MAMDC4: variants seen among roughly 807,000 people sequenced by gnomAD.
MAMDC4 encodes the protein MAM domain containing 4, also known as apical endosomal glycoprotein.
A neutral mutation model predicts 153.3 loss-of-function variants in MAMDC4; 168 were observed. The observed-to-expected ratio is 1.10, with a 90% confidence interval of 0.97 to 1.25. The LOEUF (loss-of-function observed/expected upper bound fraction) is 1.25, where lower values mean the gene tolerates loss of function less well. MAMDC4 is among the 50% of genes most tolerant of loss of function. MAMDC4 has a pLI of 0.00. For missense variants in MAMDC4, 1,701 were observed against 1,542.8 expected (o/e 1.10, Z -1.72); for synonymous variants, 744 against 651.5 (o/e 1.14, Z -2.16).
chr9:136,859,255 T>A lies in MAMDC4; in HGVS notation c.3131T>A (p.Ile1044Asn). The change falls in exon 25 of 27, where the codon ATT becomes AAT. Residue 1044 changes from isoleucine (I) to asparagine (N), a missense_variant. Physicochemically the swap from Ile to Asn is moderately radical, Grantham distance 149. Transcript: ENST00000317446. Reference protein sequence around the residue: ...TLGGQPALGPIALDDVEYLAG... With the variant: ...TLGGQPALGPNALDDVEYLAG... ...GGCGGCCAGCCAGCCCTGGGGCCCA[T>A]TGCCCTGGATGACGTGGAGTATCTG... 1 of 1,612,092 alleles carries A rather than the reference T, an allele frequency of 6.2e-7. No individual in the cohort carries two copies.
At chr9:136,857,836 A>T in intron 19 of MAMDC4, 40 bp downstream of exon 19, 1 of 1,596,956 alleles carries the variant, frequency 6.3e-7, no homozygotes, top group Non-Finnish European at 8.5e-7. Flanking sequence ...GGCTCAGGGA[A>T]GCTTGGCCTG....
intron 25 of MAMDC4, 152 bp from the exon 26 acceptor site, chr9:136,859,734 T>TTG: frequency 1.3e-6 from 1 of 749,806 alleles, no homozygotes; most frequent in South Asian, 1.8e-5. Context: ...GGCCCCATCC[T>TTG]TGTGGTAGCA....
Position 136,854,600 on chromosome 9 carries a change from G to A in MAMDC4, c.858G>A (p.Trp286Ter), listed in dbSNP as rs898940217. ...GLGPWNRSEG[W>*]SRNHRAGGPE... is the part of the protein sequence containing the mutation. Reference sequence around the variant, plus strand: ...GCCCATGGAACCGCTCGGAAGGCTGGTCCCGGAACCACCGCGCTGGTGGTC... The same window carrying A: ...GCCCATGGAACCGCTCGGAAGGCTGATCCCGGAACCACCGCGCTGGTGGTC... The change falls in exon 8 of 27, where the codon TGG becomes TGA. Residue 286 changes from tryptophan (W) to a stop codon, truncating the protein, a stop_gained. Coordinates refer to ENST00000317446, the MANE Select transcript of MAMDC4 (RefSeq NM_206920.3). LOFTEE classifies it high-confidence loss of function. 6.2e-7 allele frequency: 1 copy of A among 1,607,836 alleles called. No individual in the cohort carries two copies. Among genetic ancestry groups the A allele is most frequent in the Non-Finnish European group, 8.5e-7 (1 of 1,178,056 alleles).
intron 14 of MAMDC4, 43 bp from the exon 15 acceptor site, chr9:136,856,667 G>A (rs1228527837): frequency 2.5e-6 from 4 of 1,584,206 alleles, no homozygotes; most frequent in South Asian, 1.1e-5. Flanking sequence ...GCTCTGGAGG[G>A]GGAGGGGAGA....
rs747378999 is a variant in MAMDC4, at chr9:136,858,711, G to A, written c.2822-8G>A. 6 of 1,612,066 alleles carry A rather than the reference G, an allele frequency of 3.7e-6. No individual in the cohort carries two copies. The highest frequency in any genetic ancestry group is 5.1e-6 in the Non-Finnish European group (6 of 1,179,714). ...ATCAGCTGGGCATCAGCCTCCTCTT[G>A]TTCCCAGGCCACTTTGCCTTCTTTG... On this transcript the variant is annotated splice_polypyrimidine_tract_variant and splice_region_variant and intron_variant, in intron 22 of 26. Transcript: ENST00000317446.
At chr9:136,857,868 T>G in intron 19 of MAMDC4, 72 bp downstream of exon 19, 1 of 1,539,688 alleles carries the variant, frequency 6.5e-7, no homozygotes, top group East Asian at 2.3e-5. Flanking sequence ...AGCCTTGTGC[T>G]GAGGCCACTG....
intron 26 of MAMDC4, 142 bp downstream of exon 26, chr9:136,860,206 C>A: frequency 9.9e-7 from 1 of 1,006,642 alleles, no homozygotes. Context: ...CCCTGCCTCT[C>A]CCAGCCACCA....
Position 136,856,933 on chromosome 9 carries a change from G to A in MAMDC4, c.1864G>A (p.Asp622Asn). 1 of 1,610,572 alleles carries A rather than the reference G, an allele frequency of 6.2e-7. No homozygotes were observed. The highest frequency in any genetic ancestry group is 8.5e-7 in the Non-Finnish European group (1 of 1,178,346). The change falls in exon 16 of 27, where the codon GAC becomes AAC. Residue 622 changes from aspartate (D) to asparagine (N), a missense_variant. Asp to Asn is a conservative substitution (Grantham distance 23). Transcript: ENST00000317446. ...CCACTTTGTGCTCCTGGACCCCACA[G>A]ACCCCCTGGCCTGGGGCCACAGTGC... ...QGHFVLLDPT[D>N]PLAWGHSAHL... is the part of the protein sequence containing the mutation.
In MAMDC4 at chr9:136,857,774, C is replaced by T. The variant is rs1211693108; in HGVS notation, c.2442C>T (p.Tyr814=). The change falls in exon 19 of 27, where the codon TAC becomes TAT. Residue 814 remains tyrosine, a synonymous_variant. Transcript: ENST00000317446. Reference sequence around the variant, plus strand: ...AGCCTGCTTGTCTGACCTTCTGGTACCACGGGAGCCTCCGCAGCCCAGGTG... The same window carrying T: ...AGCCTGCTTGTCTGACCTTCTGGTATCACGGGAGCCTCCGCAGCCCAGGTG... ...LAQPACLTFW[Y]HGSLRSPGTL... 1 of 1,612,516 alleles carries T rather than the reference C, an allele frequency of 6.2e-7. No homozygotes were observed. Among genetic ancestry groups the T allele is most frequent in the African/African-American group, 1.3e-5 (1 of 75,054 alleles).
intron 14 of MAMDC4, 166 bp downstream of exon 14, chr9:136,856,315 G>A: frequency 8.8e-7 from 1 of 1,139,052 alleles, no homozygotes; most frequent in Non-Finnish European, 1.3e-6. Flanking sequence ...GGCAGGCCCT[G>A]AGCAGCAGTG....
chr9:136,852,425 G>A lies in MAMDC4; in HGVS notation c.9G>A (p.Leu3=). The part of the protein sequence containing the change: MP[L]SSHLLPALVL... ...CTCCCTCTGGCCCAACCATGCCTCT[G>A]TCCAGCCACCTGCTGCCCGCCTTGG... is the stretch of plus-strand genomic sequence containing the variant. The change falls in exon 1 of 27, where the codon CTG becomes CTA. Residue 3 remains leucine (L), a synonymous_variant. Coordinates refer to ENST00000317446, the MANE Select transcript of MAMDC4 (RefSeq NM_206920.3). The A allele has an allele frequency of 6.2e-7, 1 of 1,610,208 alleles. No homozygotes were observed. The highest frequency in any genetic ancestry group is 8.5e-7 in the Non-Finnish European group (1 of 1,179,960).
Position 136,860,553 on chromosome 9 carries a change from T to C in MAMDC4, c.3373-9T>C. On this transcript the variant is annotated splice_polypyrimidine_tract_variant and intron_variant, in intron 26 of 26. Transcript: ENST00000317446. Reference sequence around the variant, plus strand: ...GAAAGAAAAAAAAAGCTCCTCTTCCTCCTCCTAGGATGGTGTCACCCTCCC... The same window carrying C: ...GAAAGAAAAAAAAAGCTCCTCTTCCCCCTCCTAGGATGGTGTCACCCTCCC... The C allele has an allele frequency of 6.2e-7, 1 of 1,611,218 alleles. No homozygotes were observed. The highest frequency in any genetic ancestry group is 1.7e-5 in the Admixed American group (1 of 59,938).
intron 26 of MAMDC4, among the ~76,000 whole-genome samples, 184 bp downstream of exon 26, chr9:136,860,248 G>A (rs750914938): frequency 3.9e-5 from 6 of 152,182 alleles, no homozygotes; most frequent in East Asian, 1.9e-4. Flanking sequence ...GGCCGGGCGC[G>A]GTGGCTCACA....
intron 25 of MAMDC4, 186 bp from the exon 26 acceptor site, chr9:136,859,700 C>G (rs1037064322): frequency 1.6e-6 from 1 of 633,526 alleles, no homozygotes; most frequent in South Asian, 2.0e-5. Context: ...ACCAAGTCTG[C>G]AGACAGCAGC....
At chr9:136,855,132 G>GCC in intron 10 of MAMDC4, 22 bp downstream of exon 10, 1 of 1,566,156 alleles carries the variant, frequency 6.4e-7, no homozygotes, top group Middle Eastern at 1.8e-4. Context: ...CAAGAGGGTG[G>GCC]GGTCTGGGGA....
At position 136,853,331 on chromosome 9, in the gene MAMDC4, C is replaced by G. The variant is rs546058415; in HGVS notation, c.201C>G (p.Asp67Glu). 1 of 1,605,824 alleles carries G rather than the reference C, an allele frequency of 6.2e-7. No homozygotes were observed. The highest frequency in any genetic ancestry group is 1.7e-5 in the Admixed American group (1 of 59,736). Reference sequence around the variant, plus strand: ...CCCTGGGCGCCCCCTTCGCCTGTGACTTCGAGCAGGACCCCTGCGGCTGGC... The same window carrying G: ...CCCTGGGCGCCCCCTTCGCCTGTGAGTTCGAGCAGGACCCCTGCGGCTGGC... ...SPTLGAPFAC[D>E]FEQDPCGWRD... The change falls in exon 3 of 27, where the codon GAC becomes GAG. Residue 67 changes from aspartate (D) to glutamate (E), a missense_variant. Transcript: ENST00000317446.
rs747632314 is a variant in MAMDC4 at position 136,855,096 on chromosome 9, G to A, written c.1183G>A (p.Ala395Thr). The A allele has an allele frequency of 1.8e-5, 28 of 1,579,978 alleles. No homozygotes were observed. Among genetic ancestry groups the A allele is most frequent in the South Asian group, 1.1e-4 (10 of 88,502 alleles). Reference sequence around the variant, plus strand: ...CCGAGACCGTGTTGACATCCAGAGCGCCTACCCCTTCCAGGTAGGGAACAG... The same window carrying A: ...CCGAGACCGTGTTGACATCCAGAGCACCTACCCCTTCCAGGTAGGGAACAG... ...WVRDRVDIQS[A>T]YPFQILLAGQ... Residue 395 changes from alanine (A) to threonine (T), a missense_variant, in exon 10 of 27, where the codon GCC becomes ACC. Ala to Thr is a moderately conservative substitution (Grantham distance 58). Coordinates refer to ENST00000317446, the MANE Select transcript of MAMDC4 (RefSeq NM_206920.3).
intron 25 of MAMDC4, 127 bp downstream of exon 25, chr9:136,859,444 G>A: frequency 1.2e-6 from 1 of 857,732 alleles, no homozygotes; most frequent in Non-Finnish European, 1.8e-6. Context: ...CAGGACAAGA[G>A]AGCTGCCAGG....
At chr9:136,853,944 G>A (rs1848965068) in intron 5 of MAMDC4, 37 bp downstream of exon 5, 1 of 1,612,738 alleles carries the variant, frequency 6.2e-7, no homozygotes, top group South Asian at 1.1e-5. Flanking sequence ...GGGGCCTTGA[G>A]GAGGGGTCTG....
Sources: gnomAD v4.1 joint callset for allele counts (sites outside exome capture counted in the v4.1 genomes callset) on GRCh38, gnomAD v4.1.1 for gene constraint, MANE v1.5 for transcripts, NCBI Gene and HGNC (gene_info 2026-07-23, HGNC 2026-07-21) for gene names.